GON7: variants seen among roughly 807,000 people sequenced by gnomAD.
The protein encoded by GON7 is EKC/KEOPS complex subunit GON7.
A neutral mutation model predicts 7.6 loss-of-function variants in GON7; 2 were observed. The observed-to-expected ratio is 0.26, with a 90% CI of 0.11 to 0.83. The LOEUF (loss-of-function observed/expected upper bound fraction) is 0.83. Among genes scored for constraint, GON7 ranks in the 40% least tolerant of loss-of-function variants. The pLI is 0.65. For missense variants in GON7, 121 were observed against 132.2 expected (o/e 0.92, Z 0.42); for synonymous variants, 54 against 56.6 (o/e 0.95, Z 0.20).
rs770100737 is a variant in GON7, at chr14:93,207,013, C to T, written c.25G>A (p.Gly9Arg). 4 of 1,613,698 alleles carry T rather than the reference C, an allele frequency of 2.5e-6. No individual in the cohort carries two copies. In the Admixed American group the frequency reaches 5.0e-5, roughly 20 times the overall value. The part of the protein sequence containing the change: MELLGEYV[G>R]QEGKPQKLRV... ...AGCTTCTGCGGCTTCCCTTCCTGCCCGACGTACTCTCCCAGCAGCTCCATG... is the reference window on the plus strand; with the variant it reads ...AGCTTCTGCGGCTTCCCTTCCTGCCTGACGTACTCTCCCAGCAGCTCCATG... The change falls in exon 1 of 2, where the codon GGG becomes AGG. Residue 9 changes from glycine (G) to arginine (R), a missense_variant. By Grantham distance (125) the Gly-to-Arg change is moderately radical. Transcript: ENST00000306954.
At chr14:93,203,879 G>A (rs1299332383) in intron 1 of GON7, 97 bp from the exon 2 acceptor site, 13 of 765,934 alleles carry the variant, frequency 1.7e-5, no homozygotes, top group Non-Finnish European at 2.0e-5. Context: ...TTCACTTTAG[G>A]GATTAATAAA....
chr14:93,206,712 C>G, intron 1 of GON7, 118 bp downstream of exon 1: 1 of 1,149,190 alleles, frequency 8.7e-7, no homozygotes, highest in Non-Finnish European at 1.2e-6. Flanking sequence ...AGATGCAATT[C>G]TTCTTTCCTC....
intron 1 of GON7, 92 bp downstream of exon 1, chr14:93,206,738 C>A (rs1894353028): frequency 6.1e-6 from 8 of 1,319,702 alleles, no homozygotes; most frequent in Non-Finnish European, 6.2e-6. Flanking sequence ...TCACTTTGTC[C>A]AAGTCTGCCA....
At position 93,202,975 on chromosome 14, in the gene GON7, A is replaced by G. The variant is rs1470089106; in HGVS notation, c.*713T>C. ...AAGTATGGCTACAGGAGGAGAGGAAATATCCAAATTGTAATCAATGCAGAT... is the reference window on the plus strand; with the variant it reads ...AAGTATGGCTACAGGAGGAGAGGAAGTATCCAAATTGTAATCAATGCAGAT... On this transcript the variant is annotated 3_prime_UTR_variant, in exon 2 of 2. Coordinates refer to ENST00000306954, the MANE Select transcript of GON7 (RefSeq NM_032490.5). 1 of 152,208 alleles carries G rather than the reference A, an allele frequency of 6.6e-6. No homozygotes were observed. Among genetic ancestry groups the G allele is most frequent in the Non-Finnish European group, 1.5e-5 (1 of 68,038 alleles). The allele number at this position is 152,208 out of a possible 1,614,324, so 9.4% of individuals were successfully genotyped here.
chr14:93,203,733 A>T lies in GON7; in HGVS notation c.258T>A (p.Thr86=), dbSNP rs757229683. 1.2e-6 allele frequency: 2 copies of T among 1,614,052 alleles called. No individual in the cohort carries two copies. The part of the protein sequence containing the change: ...AEDENNIDNR[T]NFDGPSAKRP... ...GTTTTGCAGATGGTCCATCGAAGTT[A>T]GTTCTGTTATCAATGTTATTTTCAT... Residue 86 remains threonine, a synonymous_variant, in exon 2 of 2, where the codon ACT becomes ACA. Coordinates refer to ENST00000306954, the MANE Select transcript of GON7 (RefSeq NM_032490.5).
At chr14:93,204,255 A>C (rs1219439011) in intron 1 of GON7, among the ~76,000 whole-genome samples, 1 of 152,156 alleles carries the variant, frequency 6.6e-6, no homozygotes, top group Non-Finnish European at 1.5e-5. Flanking sequence ...CGGCCTCCCA[A>C]AGTGCTGGGA....
chr14:93,203,837 T>C (rs951225233), intron 1 of GON7, 55 bp from the exon 2 acceptor site: 9 of 1,378,310 alleles, frequency 6.5e-6, no homozygotes, highest in African/African-American at 5.7e-5. Flanking sequence ...GAAAGAAATA[T>C]ATATAGCTAA....
intron 1 of GON7, among the ~76,000 whole-genome samples, chr14:93,204,023 G>A (rs753525255): frequency 6.6e-6 from 1 of 151,320 alleles, no homozygotes; most frequent in Non-Finnish European, 1.5e-5. Context: ...TTTTGAGATA[G>A]TCTTGCTCTG....
At chr14:93,204,615 T>C (rs1215876398) in intron 1 of GON7, among the ~76,000 whole-genome samples, 1 of 152,194 alleles carries the variant, frequency 6.6e-6, no homozygotes, top group African/African-American at 2.4e-5. Flanking sequence ...TCTATGGATT[T>C]GCCTATTCTG....
chr14:93,205,102 A>G (rs1200343753), intron 1 of GON7, among the ~76,000 whole-genome samples: 1 of 152,230 alleles, frequency 6.6e-6, no homozygotes, highest in Non-Finnish European at 1.5e-5. Flanking sequence ...GCTGGGTCAT[A>G]TGGTAACTTC....
At chr14:93,206,226 G>C (rs1484988368) in intron 1 of GON7, among the ~76,000 whole-genome samples, 2 of 152,168 alleles carry the variant, frequency 1.3e-5, no homozygotes, top group African/African-American at 4.8e-5. Flanking sequence ...GGCCAGGCTT[G>C]TCTCGAACTC....
At chr14:93,203,897 C>T (rs1894295170) in intron 1 of GON7, 115 bp from the exon 2 acceptor site, 5 of 617,618 alleles carry the variant, frequency 8.1e-6, no homozygotes, top group Admixed American at 3.1e-5. Context: ...AAAACCTGCA[C>T]ATTTTAGATT....
At chr14:93,205,294 TAC>T (rs1446976932) in intron 1 of GON7, among the ~76,000 whole-genome samples, 6 of 152,352 alleles carry the variant, frequency 3.9e-5, no homozygotes, top group Admixed American at 3.3e-4. Context: ...GGAAGGAAAG[TAC>T]AGTTTAAGCT....
At chr14:93,206,753 A>G in intron 1 of GON7, 77 bp downstream of exon 1, 1 of 1,429,526 alleles carries the variant, frequency 7.0e-7, no homozygotes, top group Non-Finnish European at 9.4e-7. Context: ...CTGCCACTCT[A>G]CACGGGCTCC....
chr14:93,206,216 G>A (rs1187804833), intron 1 of GON7, among the ~76,000 whole-genome samples: 2 of 152,054 alleles, frequency 1.3e-5, no homozygotes, highest in Non-Finnish European at 2.9e-5. Context: ...TCACCATATT[G>A]GCCAGGCTTG....
intron 1 of GON7, among the ~76,000 whole-genome samples, chr14:93,206,475 G>A (rs1894346633): frequency 6.6e-6 from 1 of 152,198 alleles, no homozygotes; most frequent in Non-Finnish European, 1.5e-5. Context: ...AAATAGCGAT[G>A]AGTTGTGGAA....
At chr14:93,206,288 C>T (rs1315703578) in intron 1 of GON7, among the ~76,000 whole-genome samples, 1 of 152,060 alleles carries the variant, frequency 6.6e-6, no homozygotes, top group East Asian at 1.9e-4. Context: ...GGATTACAGG[C>T]GTGAGCCACC....
intron 1 of GON7, among the ~76,000 whole-genome samples, chr14:93,204,035 C>T (rs1171160538): frequency 1.3e-5 from 2 of 151,942 alleles, no homozygotes; most frequent in East Asian, 1.9e-4. Flanking sequence ...CTTGCTCTGT[C>T]GCCAGGCTGG....
chr14:93,206,759 G>A (rs558062270), intron 1 of GON7, 71 bp downstream of exon 1: 4 of 1,448,138 alleles, frequency 2.8e-6, no homozygotes, highest in Admixed American at 4.7e-5. Context: ...CTCTACACGG[G>A]CTCCCCAAGC....
Sources: gnomAD v4.1 joint callset for allele counts (sites outside exome capture counted in the v4.1 genomes callset) on GRCh38, gnomAD v4.1.1 for gene constraint, MANE v1.5 for transcripts, NCBI Gene and HGNC (gene_info 2026-07-23, HGNC 2026-07-21) for gene names.